Variants in KREMEN1 observed in about 807,000 individuals in gnomAD.
KREMEN1 encodes the protein kringle containing transmembrane protein 1, also known as kremen protein 1.
A neutral mutation model predicts 46.5 loss-of-function variants in KREMEN1; 30 were observed. The observed-to-expected ratio is 0.65, with a 90% CI of 0.48 to 0.88. KREMEN1 has a LOEUF of 0.88. Among genes scored for constraint, KREMEN1 ranks in the 40% least tolerant of loss-of-function variants. The probability of loss-of-function intolerance (pLI) is 0.00; values close to 1 mark genes in which losing one functional copy is unlikely to be tolerated. For missense variants in KREMEN1, 533 were observed against 596.9 expected (o/e 0.89, Z 1.11); for synonymous variants, 214 against 230.6 (o/e 0.93, Z 0.65).
chr22:29,159,744 C>G (rs2038994278), intron 9 of KREMEN1, among the ~76,000 whole-genome samples: 1 of 152,222 alleles, frequency 6.6e-6, no homozygotes, highest in Non-Finnish European at 1.5e-5. Context: ...AGATTTTTCA[C>G]AAACAGAGAA....
Position 29,122,723 on chromosome 22 carries a change from A to C in KREMEN1, c.477+1242A>C, listed in dbSNP as rs138082134. On this transcript the variant is annotated intron_variant, in intron 4 of 8. Transcript: ENST00000400335. ...GGGAGGCCAAGGTGGGTGGATCACG[A>C]GGTCAGGAGTTGGAGACCAGCCTGA... Among the ~76,000 whole-genome samples, 797 of 152,184 alleles carry C rather than the reference A, an allele frequency of 5.2e-3. 4 individuals are homozygous for C. The highest frequency in any genetic ancestry group is 0.024 in the Middle Eastern group (7 of 294).
At chr22:29,107,805 A>G (rs2038084727) in intron 3 of KREMEN1, among the ~76,000 whole-genome samples, 1 of 152,122 alleles carries the variant, frequency 6.6e-6, no homozygotes, top group Admixed American at 6.5e-5. Context: ...CAGGAGGTTG[A>G]GGCTGAGCTC....
chr22:29,112,931 A>G (rs1392563582), intron 3 of KREMEN1, among the ~76,000 whole-genome samples: 1 of 91,372 alleles, frequency 1.1e-5, no homozygotes, highest in Non-Finnish European at 2.2e-5. Flanking sequence ...TTCGAGCCAC[A>G]CTTTCCAGGA....
chr22:29,096,069 C>A (rs902101836), intron 2 of KREMEN1, among the ~76,000 whole-genome samples: 1 of 151,988 alleles, frequency 6.6e-6, no homozygotes, highest in Non-Finnish European at 1.5e-5. Flanking sequence ...TTAAATAGTT[C>A]TTTTATATTT....
chr22:29,082,994 G>A (rs552118765), intron 1 of KREMEN1, among the ~76,000 whole-genome samples: 1 of 152,236 alleles, frequency 6.6e-6, no homozygotes, highest in South Asian at 2.1e-4. Flanking sequence ...CATGATTACA[G>A]CTCACTGCAG....
intron 8 of KREMEN1, among the ~76,000 whole-genome samples, chr22:29,140,891 A>G (rs567152292): frequency 6.6e-6 from 1 of 152,294 alleles, no homozygotes; most frequent in Non-Finnish European, 1.5e-5. Context: ...CAAGTCTAAC[A>G]GTTCCACCTT....
intron 9 of KREMEN1, among the ~76,000 whole-genome samples, chr22:29,154,068 TGA>T (rs2038941020): frequency 6.6e-6 from 1 of 152,152 alleles, no homozygotes; most frequent in Non-Finnish European, 1.5e-5. Flanking sequence ...TTTAGCTCAG[TGA>T]CTGGCCTGTG....
chr22:29,098,754 A>G lies in KREMEN1; in HGVS notation c.261-108A>G, dbSNP rs2037925070. On this transcript the variant is annotated intron_variant, in intron 2 of 8. Transcript: ENST00000400335. The stretch of plus-strand genomic sequence containing the variant: ...GGCACTGAGATACAGACCAACTATT[A>G]GAAATAATACAGAAGCTAAAGCATT... The G allele has an allele frequency of 3.7e-6, 3 of 816,958 alleles. No homozygotes were observed. In the Admixed American group the frequency reaches 6.3e-5, roughly 17 times the overall value. The allele number at this position is 816,958 out of a possible 1,614,324, so 50.6% of individuals were successfully genotyped here.
At chr22:29,076,661 G>A (rs1288278299) in intron 1 of KREMEN1, among the ~76,000 whole-genome samples, 1 of 152,148 alleles carries the variant, frequency 6.6e-6, no homozygotes, top group East Asian at 1.9e-4. Flanking sequence ...GGCCAGCCTG[G>A]CCAACATGGT....
chr22:29,131,748 GTATATATGTATATATATATGTA>G (rs2038559685), intron 5 of KREMEN1, among the ~76,000 whole-genome samples: 3 of 130,294 alleles, frequency 2.3e-5, no homozygotes, highest in African/African-American at 9.8e-5. Flanking sequence ...GTATATATAT[GTATATATGTATATATATATGTA>G]TATATATATA....
At chr22:29,127,619 CGCTCT>C (rs1391815319) in intron 5 of KREMEN1, among the ~76,000 whole-genome samples, 1 of 151,874 alleles carries the variant, frequency 6.6e-6, no homozygotes, top group Non-Finnish European at 1.5e-5. Context: ...GCTGAGATAG[CGCTCT>C]GCCTGGCGAC....
chr22:29,106,992 G>T (rs1314910131), intron 3 of KREMEN1, among the ~76,000 whole-genome samples: 1 of 152,124 alleles, frequency 6.6e-6, no homozygotes, highest in Non-Finnish European at 1.5e-5. Context: ...GGAAGCATTT[G>T]CTGCCCAACA....
chr22:29,108,136 A>G (rs1431401662), intron 3 of KREMEN1, among the ~76,000 whole-genome samples: 1 of 152,220 alleles, frequency 6.6e-6, no homozygotes, highest in East Asian at 1.9e-4. Context: ...AAATACAAAA[A>G]TTAGCCAGGT....
downstream of KREMEN1, among the ~76,000 whole-genome samples, chr22:29,148,204 C>T (rs1444298166): frequency 1.3e-5 from 2 of 152,118 alleles, no homozygotes; most frequent in Non-Finnish European, 2.9e-5. Flanking sequence ...CAGAGCTGTC[C>T]GGCAGGCATT....
In KREMEN1 at chr22:29,161,493, T is replaced by C. The variant is rs555281073; in HGVS notation, c.1417-5551T>C. ...CTGCACTCCAGCCTGGGTGACAGAG[T>C]GAGACTCCATCTCAAAAAAAAAAAA... On this transcript the variant is annotated intron_variant, in intron 9 of 9. Coordinates refer to the KREMEN1 transcript ENST00000327813. Among the ~76,000 whole-genome samples, 418 of 102,946 alleles carry C rather than the reference T, an allele frequency of 4.1e-3. 1 individual carries two copies. Among genetic ancestry groups the C allele is most frequent in the Admixed American group, 6.1e-3 (38 of 6,250 alleles). The allele number at this position is 102,946 out of a possible 152,430, so 67.5% of individuals were successfully genotyped here. A position where few individuals can be genotyped will look rare whatever the true frequency, so the allele number is the denominator to read the frequency against.
At chr22:29,163,042 C>A (rs2039024460) in intron 9 of KREMEN1, among the ~76,000 whole-genome samples, 1 of 152,112 alleles carries the variant, frequency 6.6e-6, no homozygotes, top group African/African-American at 2.4e-5. Context: ...TGTGTCCTCA[C>A]ACAAATCTCA....
intron 3 of KREMEN1, among the ~76,000 whole-genome samples, chr22:29,102,339 A>G (rs928034980): frequency 1.6e-4 from 24 of 152,226 alleles, no homozygotes; most frequent in African/African-American, 5.5e-4. Flanking sequence ...CTTAGAAAAC[A>G]GTAAAGACCA....
chr22:29,161,324 G>A lies in KREMEN1; in HGVS notation c.1417-5720G>A, dbSNP rs543172090. Among the ~76,000 whole-genome samples, 623 of 151,936 alleles carry A rather than the reference G, an allele frequency of 4.1e-3. 3 individuals are homozygous for A. Among genetic ancestry groups the A allele is most frequent in the African/African-American group, 4.8e-3 (198 of 41,460 alleles). On this transcript the variant is annotated intron_variant, in intron 9 of 9. Coordinates refer to the KREMEN1 transcript ENST00000327813. ...AGATCGAGACCATCCTGGCTAACAT[G>A]ATGAAACCCCGTCTGTACTAAAAAT...
intron 3 of KREMEN1, among the ~76,000 whole-genome samples, chr22:29,113,747 A>T (rs6005995): frequency 0.054 from 8,185 of 152,220 alleles, 539 homozygotes; most frequent in South Asian, 0.19. Context: ...TCAGAACATT[A>T]TCAAGTCCTA....
Sources: gnomAD v4.1 joint callset for allele counts (sites outside exome capture counted in the v4.1 genomes callset) on GRCh38, gnomAD v4.1.1 for gene constraint, MANE v1.5 for transcripts, NCBI Gene and HGNC (gene_info 2026-07-23, HGNC 2026-07-21) for gene names.